The following ZNF469 variants were observed in gnomAD, a reference collection of about 807,000 sequenced individuals.
ZNF469 encodes zinc finger protein 469.
Under a neutral mutation model 1.0 loss-of-function variants are expected in ZNF469, and 1 was observed. That is an observed-to-expected ratio of 1.00 (90% CI 0.35 to 4.73). The LOEUF is 4.73. ZNF469 is among the 30% of genes most tolerant of loss of function. The probability of loss-of-function intolerance (pLI) is 0.16; values close to 1 mark genes in which losing one functional copy is unlikely to be tolerated. For missense variants in ZNF469, 6,100 were observed against 5,356.3 expected (o/e 1.14, Z -4.33); for synonymous variants, 2,703 against 2,363.4 (o/e 1.14, Z -4.17).
the ZNF469 span, among the ~76,000 whole-genome samples, chr16:88,103,459 G>T: frequency 6.6e-6 from 1 of 152,226 alleles, no homozygotes; most frequent in African/African-American, 2.4e-5. Flanking sequence ...ACCCGCCCTC[G>T]GGACCGGCGT....
the ZNF469 span, among the ~76,000 whole-genome samples, chr16:88,154,692 G>C: frequency 6.6e-6 from 1 of 152,240 alleles, no homozygotes; most frequent in Non-Finnish European, 1.5e-5. Context: ...TTTGTGAGCT[G>C]CATGGGGCGG....
the ZNF469 span, among the ~76,000 whole-genome samples, chr16:88,174,472 G>GTCTA: frequency 6.2e-5 from 7 of 112,652 alleles, no homozygotes; most frequent in African/African-American, 1.1e-4. Context: ...TCGTCTGTCT[G>GTCTA]TCTGTCTATC....
chr16:88,129,314 C>T, the ZNF469 span, among the ~76,000 whole-genome samples: 3 of 152,200 alleles, frequency 2.0e-5, no homozygotes, highest in Non-Finnish European at 4.4e-5. Context: ...AGCCTCTCGG[C>T]GGGGTCTGGC....
upstream of ZNF469, among the ~76,000 whole-genome samples, chr16:88,381,052 A>G (rs2092522227): frequency 6.8e-6 from 1 of 148,046 alleles, no homozygotes; most frequent in Non-Finnish European, 1.5e-5. Context: ...ACTCACACAG[A>G]CACGCTCTCA....
rs562138304 is a variant in ZNF469, at chr16:88,383,085, C to G, written c.-361C>G. Among the ~76,000 whole-genome samples, 2,279 of 150,830 alleles carry G rather than the reference C, an allele frequency of 0.015. 41 individuals carry two copies. Among genetic ancestry groups the G allele is most frequent in the Admixed American group, 0.057 (865 of 15,160 alleles). On this transcript the variant is annotated 5_prime_UTR_variant, in exon 1 of 3. Coordinates refer to ENST00000565624, the MANE Select transcript of ZNF469 (RefSeq NM_001367624.2). ...CTGCTCCCTCTCCTCCCACCCCGCC[C>G]CGAGGCGCAGCGCGCGGCAGAGCGG...
At chr16:88,144,528 A>G in the ZNF469 span, among the ~76,000 whole-genome samples, 1 of 152,152 alleles carries the variant, frequency 6.6e-6, no homozygotes, top group African/African-American at 2.4e-5. Context: ...TTGCTCTTTG[A>G]GGCACATTTT....
At chr16:88,197,595 C>T in the ZNF469 span, among the ~76,000 whole-genome samples, 57,559 of 152,136 alleles carry the variant, frequency 0.38, 12,953 homozygotes, top group Middle Eastern at 0.52. Context: ...CTACCCCCAA[C>T]TCAGCAGCTG....
chr16:88,222,189 T>C, the ZNF469 span, among the ~76,000 whole-genome samples: 4 of 152,224 alleles, frequency 2.6e-5, no homozygotes, highest in African/African-American at 9.6e-5. Flanking sequence ...GTGGTAATGT[T>C]TTCTGTTTTC....
chr16:88,169,259 G>A, the ZNF469 span, among the ~76,000 whole-genome samples: 1 of 152,196 alleles, frequency 6.6e-6, no homozygotes, highest in Non-Finnish European at 1.5e-5. The surrounding 1 kb of genome is among the most constrained non-coding windows in gnomAD (Gnocchi z 6.1). Flanking sequence ...ATCTACGTCA[G>A]TAAAATCCAC....
rs1183688274 is a variant in ZNF469, at chr16:88,439,490, G to C, written c.*158G>C. 2 of 834,540 alleles carry C rather than the reference G, an allele frequency of 2.4e-6. No homozygotes were observed. Among genetic ancestry groups the C allele is most frequent in the Non-Finnish European group, 3.8e-6 (2 of 527,104 alleles). The allele number at this position is 834,540 out of a possible 1,614,324, so 51.7% of individuals were successfully genotyped here. A position where few individuals can be genotyped will look rare whatever the true frequency, so the allele number is the denominator to read the frequency against. On this transcript the variant is annotated 3_prime_UTR_variant, in exon 3 of 3. Transcript: ENST00000565624. ...GTCAGAGCTGAGGTGGTGATGCTTTGAACAGGGCCCAGGTGGGCAGCATTC... is the reference window on the plus strand; with the variant it reads ...GTCAGAGCTGAGGTGGTGATGCTTTCAACAGGGCCCAGGTGGGCAGCATTC...
At chr16:88,388,407 G>C (rs962668732) in intron 1 of ZNF469, among the ~76,000 whole-genome samples, 1 of 152,252 alleles carries the variant, frequency 6.6e-6, no homozygotes, top group Admixed American at 6.5e-5. Context: ...CCTACCGGCC[G>C]GGCACGGCAG....
chr16:88,199,879 C>A, the ZNF469 span, among the ~76,000 whole-genome samples: 1 of 152,198 alleles, frequency 6.6e-6, no homozygotes, highest in Non-Finnish European at 1.5e-5. Flanking sequence ...TCTGAGTCCT[C>A]GGCTGTCTTG....
the ZNF469 span, among the ~76,000 whole-genome samples, chr16:88,334,460 C>T: frequency 6.6e-6 from 1 of 152,158 alleles, no homozygotes; most frequent in Non-Finnish European, 1.5e-5. Flanking sequence ...GAGCATTTCC[C>T]AAGAGCATCA....
chr16:88,152,506 C>T, the ZNF469 span, among the ~76,000 whole-genome samples: 1,023 of 152,202 alleles, frequency 6.7e-3, 12 homozygotes, highest in African/African-American at 0.023. The surrounding 1 kb of genome is among the most constrained non-coding windows in gnomAD (Gnocchi z 4.2). Context: ...CTGCTTGGCG[C>T]GCTGGATGCC....
Position 88,431,337 on chromosome 16 carries a change from C to T in ZNF469, c.3867C>T (p.Pro1289=), listed in dbSNP as rs751952704. 6.5e-7 allele frequency: 1 copy of T among 1,549,602 alleles called. No homozygotes were observed. Among genetic ancestry groups the T allele is most frequent in the South Asian group, 1.2e-5 (1 of 84,038 alleles). ...KPSGSLANTA[P]HGSSPTPGVG... is the part of the protein sequence containing the mutation. ...CGGGAAGCCTCGCCAACACGGCGCC[C>T]CACGGAAGCTCGCCAACGCCAGGTG... The change falls in exon 3 of 3, where the codon CCC becomes CCT. Residue 1289 remains proline, a synonymous_variant. Transcript: ENST00000565624.
At chr16:88,229,563 T>C in the ZNF469 span, among the ~76,000 whole-genome samples, 12 of 132,910 alleles carry the variant, frequency 9.0e-5, no homozygotes, top group Non-Finnish European at 1.7e-4. Flanking sequence ...CACGTGTGGA[T>C]GTCACGCTTG....
At chr16:88,353,245 C>A in the ZNF469 span, among the ~76,000 whole-genome samples, 2 of 152,192 alleles carry the variant, frequency 1.3e-5, no homozygotes, top group Admixed American at 6.5e-5. Flanking sequence ...CGTCACAATA[C>A]GCTCCCAATA....
the ZNF469 span, among the ~76,000 whole-genome samples, chr16:88,325,741 G>C: frequency 4.2e-4 from 64 of 152,330 alleles, no homozygotes; most frequent in Non-Finnish European, 7.8e-4. Context: ...GACAGACAGG[G>C]CCTTGCCACT....
At chr16:88,211,520 A>G in the ZNF469 span, among the ~76,000 whole-genome samples, 2 of 151,520 alleles carry the variant, frequency 1.3e-5, no homozygotes, top group African/African-American at 4.9e-5. Flanking sequence ...TTACTGACAC[A>G]TGGTATAGAC....
Sources: gnomAD v4.1 joint callset for allele counts (sites outside exome capture counted in the v4.1 genomes callset) on GRCh38, gnomAD v4.1.1 for gene constraint, Gnocchi (gnomAD v3.1) non-coding constraint, MANE v1.5 for transcripts, NCBI Gene and HGNC (gene_info 2026-07-23, HGNC 2026-07-21) for gene names.